The following KIF1B variants were observed in gnomAD, a reference collection of about 807,000 sequenced individuals.
KIF1B encodes kinesin family member 1B, also known as kinesin-like protein KIF1B.
Under a neutral mutation model 241.9 loss-of-function variants are expected in KIF1B, and 76 were observed. The ratio of observed to expected loss-of-function variants is 0.31; its 90% confidence interval spans 0.26 to 0.38. KIF1B has a LOEUF of 0.38. KIF1B is among the 10% of genes least tolerant of loss of function. The probability of loss-of-function intolerance (pLI) is 1.00; values close to 1 mark genes in which losing one functional copy is unlikely to be tolerated. For missense variants in KIF1B, 1,622 were observed against 2,271.4 expected, an observed-to-expected ratio of 0.71 and a Z score of 5.81; for synonymous variants, 750 against 796.7, an observed-to-expected ratio of 0.94 and a Z score of 0.99.
intron 1 of KIF1B, among the ~76,000 whole-genome samples, chr1:10,211,127 C>T (rs975831972): frequency 3.3e-5 from 5 of 152,154 alleles, no homozygotes; most frequent in African/African-American, 1.2e-4. Flanking sequence ...CCCTCCGTTT[C>T]CCCCGCGCTG....
At chr1:10,310,758 G>A (rs1480212217) in intron 22 of KIF1B, among the ~76,000 whole-genome samples, 1 of 151,506 alleles carries the variant, frequency 6.6e-6, no homozygotes, top group Admixed American at 6.6e-5. Flanking sequence ...GTTATGGAGG[G>A]AGACAGCTGT....
chr1:10,287,700 A>G (rs1311511387), intron 15 of KIF1B, among the ~76,000 whole-genome samples: 3 of 152,234 alleles, frequency 2.0e-5, no homozygotes, highest in Non-Finnish European at 2.9e-5. Flanking sequence ...GATAAGTCAT[A>G]TTAGAGTTGG....
rs1271313453 is a variant in KIF1B, at chr1:10,244,636, G to T, written c.107-11611G>T. Reference sequence around the variant, plus strand: ...CCTCCTTTTTTTTTTTTTTTGAGACGGAGTCTTGCTCTGTCGCCCAGGCTG... The same window carrying T: ...CCTCCTTTTTTTTTTTTTTTGAGACTGAGTCTTGCTCTGTCGCCCAGGCTG... On this transcript the variant is annotated intron_variant, in intron 2 of 48. Coordinates refer to ENST00000676179, the MANE Select transcript of KIF1B (RefSeq NM_001365951.3). Among the ~76,000 whole-genome samples the T allele has an allele frequency of 1.4e-4, 16 of 112,192 alleles. No individual in the cohort carries two copies. In the South Asian group the frequency reaches 1.4e-3, roughly 10 times the overall value. 73.6% of individuals were successfully genotyped at this position (112,192 alleles called of 152,430 possible).
chr1:10,321,749 C>T lies in KIF1B; in HGVS notation c.2250C>T (p.Ala750=). The T allele has an allele frequency of 6.2e-7, 1 of 1,614,156 alleles. No individual in the cohort carries two copies. The highest frequency in any genetic ancestry group is 8.5e-7 in the Non-Finnish European group (1 of 1,179,984). ...TQHEFELAQW[A]FRKWKSHQFT... ...ATGAATTTGAGTTGGCCCAATGGGC[C>T]TTCCGGAAATGGAAGTCTCATCAGT... Residue 750 remains alanine, a synonymous_variant, in exon 24 of 49, where the codon GCC becomes GCT. Coordinates refer to ENST00000676179, the MANE Select transcript of KIF1B (RefSeq NM_001365951.3).
At chr1:10,256,429 C>T in intron 3 of KIF1B, 106 bp downstream of exon 3, 1 of 801,588 alleles carries the variant, frequency 1.2e-6, no homozygotes, top group Non-Finnish European at 2.3e-6. Flanking sequence ...TGCTTCTTAA[C>T]TGTTGTGTAG....
chr1:10,348,228 G>A (rs1317412190), intron 36 of KIF1B, among the ~76,000 whole-genome samples: 1 of 152,096 alleles, frequency 6.6e-6, no homozygotes, highest in Non-Finnish European at 1.5e-5. Flanking sequence ...ACATAGGTCC[G>A]CTTTTGGTAA....
chr1:10,361,571 G>A (rs759543833), intron 39 of KIF1B, 121 bp from the exon 40 acceptor site: 104 of 1,147,902 alleles, frequency 9.1e-5, no homozygotes, highest in Non-Finnish European at 1.3e-4. Context: ...TGAAATAATT[G>A]GTGGAGCTAA....
intron 2 of KIF1B, among the ~76,000 whole-genome samples, chr1:10,233,181 G>T (rs917773480): frequency 6.6e-6 from 1 of 152,124 alleles, no homozygotes; most frequent in Non-Finnish European, 1.5e-5. Context: ...GAGTCTACTG[G>T]TGGAAATGTT....
intron 15 of KIF1B, among the ~76,000 whole-genome samples, chr1:10,289,358 T>C (rs2102244309): frequency 6.6e-6 from 1 of 152,274 alleles, no homozygotes; most frequent in Non-Finnish European, 1.5e-5. Flanking sequence ...AGCAACACAT[T>C]ATTCCTAGAA....
chr1:10,214,185 A>G (rs923105029), intron 1 of KIF1B, among the ~76,000 whole-genome samples: 1 of 152,098 alleles, frequency 6.6e-6, no homozygotes. Context: ...CCACTGATTC[A>G]TTGATGCTCT....
At chr1:10,341,805 C>CA (rs1184348430) in intron 32 of KIF1B, among the ~76,000 whole-genome samples, 1 of 151,964 alleles carries the variant, frequency 6.6e-6, no homozygotes, top group Non-Finnish European at 1.5e-5. Flanking sequence ...ACTGTCTCTA[C>CA]AAAAAATTGT....
intron 38 of KIF1B, among the ~76,000 whole-genome samples, chr1:10,357,924 G>A (rs1415758812): frequency 4.6e-5 from 7 of 151,770 alleles, no homozygotes; most frequent in South Asian, 4.2e-4. Flanking sequence ...CAGGAGAATC[G>A]CTTAAACCCG....
intron 31 of KIF1B, among the ~76,000 whole-genome samples, chr1:10,338,181 A>C (rs1030106939): frequency 2.0e-5 from 3 of 152,176 alleles, no homozygotes; most frequent in Non-Finnish European, 2.9e-5. Flanking sequence ...ACAGTACAAG[A>C]GACTGAAGTG....
intron 22 of KIF1B, among the ~76,000 whole-genome samples, chr1:10,315,267 T>C (rs1254662403): frequency 7.4e-6 from 1 of 134,602 alleles, no homozygotes. Context: ...AAACTACACC[T>C]CCCGGGTTGA....
rs776919788 is a variant in KIF1B at position 10,352,750 on chromosome 1, A to G, written c.4055+14A>G. ...CAACTCTAGCAGGTGGGACACCCAG[A>G]GCAGTGTGAAGAAGTCCACACTTGC... On this transcript the variant is annotated intron_variant, in intron 38 of 48. Coordinates refer to ENST00000676179, the MANE Select transcript of KIF1B (RefSeq NM_001365951.3). The G allele has an allele frequency of 2.5e-6, 4 of 1,590,750 alleles. No homozygotes were observed. The East Asian group carries it at 8.9e-5, about 36-fold the overall frequency.
intron 44 of KIF1B, among the ~76,000 whole-genome samples, chr1:10,370,239 G>A (rs1172264356): frequency 6.6e-6 from 1 of 152,226 alleles, no homozygotes; most frequent in Non-Finnish European, 1.5e-5. Flanking sequence ...GACAGAGCGA[G>A]ACTTCGTCTC....
At chr1:10,273,990 A>G (rs1442644815) in intron 10 of KIF1B, among the ~76,000 whole-genome samples, 4 of 137,870 alleles carry the variant, frequency 2.9e-5, no homozygotes, top group Non-Finnish European at 3.0e-5. Flanking sequence ...AGGCTGGGGT[A>G]CAGTGGCACG....
chr1:10,345,710 T>C, intron 34 of KIF1B, 135 bp from the exon 35 acceptor site: 1 of 704,084 alleles, frequency 1.4e-6, no homozygotes, highest in East Asian at 2.7e-5. Flanking sequence ...TCTCTGGGTC[T>C]TTTGCATTGA....
chr1:10,314,817 A>G (rs1023485699), intron 22 of KIF1B, among the ~76,000 whole-genome samples: 1 of 151,636 alleles, frequency 6.6e-6, no homozygotes, highest in Non-Finnish European at 1.5e-5. Flanking sequence ...GGTCATCCTC[A>G]TACCTTAACT....
Sources: allele counts gnomAD v4.1 joint callset (sites outside exome capture counted in the v4.1 genomes callset), GRCh38; gene constraint gnomAD v4.1.1; transcripts MANE v1.5; gene names NCBI Gene and HGNC (gene_info 2026-07-23, HGNC 2026-07-21).